Variants in DYRK4 observed in about 807,000 individuals in gnomAD.
DYRK4 encodes the protein dual specificity tyrosine phosphorylation regulated kinase 4, also known as dual specificity tyrosine-phosphorylation-regulated kinase 4.
A neutral mutation model predicts 68.3 loss-of-function variants in DYRK4; 64 were observed. The observed-to-expected ratio is 0.94, with a 90% CI of 0.77 to 1.15. The LOEUF (loss-of-function observed/expected upper bound fraction) is 1.15, where lower values mean the gene tolerates loss of function less well. Among genes scored for constraint, DYRK4 ranks in the 50% most tolerant of loss-of-function variants. The pLI is 0.00. For missense variants in DYRK4, 740 were observed against 764.7 expected (o/e 0.97, Z 0.38); for synonymous variants, 274 against 289.9 (o/e 0.95, Z 0.56).
intron 10 of DYRK4, among the ~76,000 whole-genome samples, chr12:4,600,323 C>A (rs1437750850): frequency 6.6e-6 from 1 of 151,956 alleles, no homozygotes; most frequent in Non-Finnish European, 1.5e-5. Context: ...ACGTACCATT[C>A]AACAGACATT....
intron 6 of DYRK4, among the ~76,000 whole-genome samples, 200 bp from the exon 7 acceptor site, chr12:4,595,949 T>C (rs74644074): frequency 0.026 from 4,000 of 152,280 alleles, 187 homozygotes; most frequent in African/African-American, 0.089. Flanking sequence ...TGGCACCACA[T>C]GGGTGGCCCA....
At chr12:4,590,300 T>C (rs567270762) in intron 3 of DYRK4, 30 bp from the exon 4 acceptor site, 10 of 1,522,794 alleles carry the variant, frequency 6.6e-6, no homozygotes, top group Non-Finnish European at 8.8e-6. Context: ...CCTAAGGCTT[T>C]TGTAACACAT....
In DYRK4 at chr12:4,591,578, C is replaced by T. The variant is rs1944955479; in HGVS notation, c.463+280C>T. The T allele has an allele frequency of 2.6e-6, 1 of 377,780 alleles. No homozygotes were observed. The highest frequency in any genetic ancestry group is 2.0e-5 in the African/African-American group (1 of 49,606). 23.4% of individuals were successfully genotyped at this position (377,780 alleles called of 1,614,324 possible). ...AAGTGTCTCATTTGCCTAAGGAGCC[C>T]AGACACAAGGCTCCTGTCATTTTAT... On this transcript the variant is annotated intron_variant, in intron 5 of 14. Transcript: ENST00000543431. This position sits in a 1 kb window ranked among gnomAD's most constrained non-coding sequence, Gnocchi z 4.1.
At chr12:4,600,435 A>T (rs1945068620) in intron 10 of DYRK4, among the ~76,000 whole-genome samples, 1 of 151,734 alleles carries the variant, frequency 6.6e-6, no homozygotes, top group Non-Finnish European at 1.5e-5. Context: ...AGACAGAAAG[A>T]TAAAAATAAT....
At position 4,574,300 on chromosome 12, in the gene DYRK4, A is replaced by C. The variant is rs10774241; in HGVS notation, c.132+6252A>C. ...CTCCCCATGGTATCTCGTCCTGTTCATTGTCCCGTCTGAGATAACTACTCT... is the reference window on the plus strand; with the variant it reads ...CTCCCCATGGTATCTCGTCCTGTTCCTTGTCCCGTCTGAGATAACTACTCT... On this transcript the variant is annotated intron_variant, in intron 2 of 14. Transcript: ENST00000543431. Among the ~76,000 whole-genome samples, 698 of 151,088 alleles carry C rather than the reference A, an allele frequency of 4.6e-3. 9 individuals carry two copies. Among genetic ancestry groups the C allele is most frequent in the Non-Finnish European group, 7.2e-3 (492 of 67,962 alleles).
rs566289489 is a variant in DYRK4 at position 4,576,373 on chromosome 12, T to C, written c.132+8325T>C. 4.6e-5 allele frequency among the ~76,000 whole-genome samples: 7 copies of C among 152,364 alleles called. No homozygotes were observed. In the South Asian group the frequency reaches 1.4e-3, roughly 32 times the overall value. On this transcript the variant is annotated intron_variant, in intron 2 of 14. Coordinates refer to ENST00000543431, the MANE Select transcript of DYRK4 (RefSeq NM_001394779.1). ...ATTTCCTTTTATCAGTGAATAATACTGCACTGTATGGGTGTACCAGTTTGC... is the reference window on the plus strand; with the variant it reads ...ATTTCCTTTTATCAGTGAATAATACCGCACTGTATGGGTGTACCAGTTTGC...
chr12:4,596,245 A>G lies in DYRK4; in HGVS notation c.724A>G (p.Asn242Asp), dbSNP rs563856942. The G allele has an allele frequency of 7.9e-4, 1,281 of 1,614,168 alleles. 22 individuals carry two copies. In the South Asian group the frequency reaches 0.013, roughly 17 times the overall value. The part of the protein sequence containing the change: ...QVAKCLDHKN[N>D]ELVALKIIRN... ...GGCCAAGTGCTTGGATCACAAAAAC[A>G]ATGAGCTGGTGGCCCTGAAAATCAT... is the stretch of plus-strand genomic sequence containing the variant. Residue 242 changes from asparagine to aspartate, a missense_variant, in exon 7 of 15, where the codon AAT becomes GAT. This residue lies in a region of DYRK4 where 614 missense variants were observed against 603.7 expected (regional missense o/e 1.02). Transcript: ENST00000543431.
intron 1 of DYRK4, among the ~76,000 whole-genome samples, chr12:4,565,582 T>C (rs1016703646): frequency 6.6e-6 from 1 of 152,058 alleles, no homozygotes; most frequent in Non-Finnish European, 1.5e-5. Context: ...CTGTCAGAGC[T>C]GAACAGAGGA....
chr12:4,563,211 A>C (rs2137311341), intron 1 of DYRK4: 1 of 452,804 alleles, frequency 2.2e-6, no homozygotes, highest in African/African-American at 2.0e-5. Context: ...GAAATTCTTC[A>C]AACATGCACT....
intron 2 of DYRK4, 83 bp downstream of exon 2, chr12:4,568,131 G>A: frequency 7.8e-7 from 1 of 1,289,096 alleles, no homozygotes; most frequent in South Asian, 1.3e-5. Flanking sequence ...TGATGGTTGT[G>A]CCCCAAGCAC....
At chr12:4,603,886 T>TC (rs796471075) in intron 10 of DYRK4, among the ~76,000 whole-genome samples, 20 of 152,290 alleles carry the variant, frequency 1.3e-4, no homozygotes, top group African/African-American at 4.8e-4. Context: ...AGCAGTCATT[T>TC]CCCCCTTTGC....
intron 11 of DYRK4, 49 bp downstream of exon 11, chr12:4,605,135 C>T (rs777592150): frequency 5.8e-6 from 9 of 1,565,064 alleles, no homozygotes; most frequent in Admixed American, 5.2e-5. Context: ...TGGGCTTGGC[C>T]CTCAGACACG....
intron 1 of DYRK4, among the ~76,000 whole-genome samples, chr12:4,564,211 A>AT (rs769890073): frequency 5.3e-4 from 80 of 152,228 alleles, no homozygotes; most frequent in Non-Finnish European, 9.8e-4. Context: ...AATCAGTAGA[A>AT]TGACAATAGT....
At chr12:4,607,951 A>G (rs1236149718) in intron 12 of DYRK4, among the ~76,000 whole-genome samples, 3 of 152,158 alleles carry the variant, frequency 2.0e-5, no homozygotes, top group Non-Finnish European at 4.4e-5. Context: ...TGTTGGGAGT[A>G]AACTTCGTCC....
Position 4,602,485 on chromosome 12 carries a change from A to G in DYRK4, c.1127-2429A>G, listed in dbSNP as rs1416163820. 3.0e-5 allele frequency: 39 copies of G among 1,308,452 alleles called. No individual in the cohort carries two copies. The South Asian group carries it at 4.5e-4, about 15-fold the overall frequency. 81.1% of individuals were successfully genotyped at this position (1,308,452 alleles called of 1,614,324 possible). A position where few individuals can be genotyped will look rare whatever the true frequency, so the allele number is the denominator to read the frequency against. ...TCCCTTTACTTCGATCTGAGATGGC[A>G]GCAGAGCTTGGACAAGTCTTGCGGT... On this transcript the variant is annotated intron_variant, in intron 10 of 14. Transcript: ENST00000543431.
chr12:4,611,998 A>G (rs895007024), intron 13 of DYRK4, among the ~76,000 whole-genome samples: 1 of 152,322 alleles, frequency 6.6e-6, no homozygotes, highest in Admixed American at 6.5e-5. Flanking sequence ...ATTGGAATAG[A>G]TGGTTCTGTG....
intron 10 of DYRK4, chr12:4,602,846 G>T: frequency 2.5e-6 from 3 of 1,181,104 alleles, no homozygotes; most frequent in Non-Finnish European, 3.8e-6. Flanking sequence ...CAAATCATTG[G>T]AAATACATCA....
intron 13 of DYRK4, 57 bp from the exon 14 acceptor site, chr12:4,612,486 T>A: frequency 6.6e-7 from 1 of 1,521,896 alleles, no homozygotes; most frequent in Non-Finnish European, 8.8e-7. Context: ...TAAAAATGTT[T>A]TAATATATTA....
At chr12:4,599,610 A>G in intron 9 of DYRK4, 97 bp from the exon 10 acceptor site, 1 of 857,650 alleles carries the variant, frequency 1.2e-6, no homozygotes, top group South Asian at 1.6e-5. Context: ...AGGTGGTCAT[A>G]TTTGAACTGG....
Sources: allele counts gnomAD v4.1 joint callset (sites outside exome capture counted in the v4.1 genomes callset), GRCh38; gene constraint gnomAD v4.1.1; regional missense constraint gnomAD v4.1.1; non-coding constraint Gnocchi (gnomAD v3.1); transcripts MANE v1.5; gene names NCBI Gene and HGNC (gene_info 2026-07-23, HGNC 2026-07-21).